CLMP: variants seen among roughly 807,000 people sequenced by gnomAD.
The protein encoded by CLMP is CXADR-like membrane protein.
Under a neutral mutation model 45.2 loss-of-function variants are expected in CLMP, and 27 were observed. The ratio of observed to expected loss-of-function variants is 0.60; its 90% CI spans 0.44 to 0.82. The LOEUF (loss-of-function observed/expected upper bound fraction) is 0.82. Ranked by LOEUF, CLMP falls within the 40% of genes least tolerant of loss-of-function variation. The pLI is 0.00. For missense variants in CLMP, 403 were observed against 448.4 expected (o/e 0.90, Z 0.91); for synonymous variants, 167 against 171.4 (o/e 0.97, Z 0.20).
At chr11:123,095,684 T>A (rs916627434) in intron 2 of CLMP, among the ~76,000 whole-genome samples, 1 of 151,418 alleles carries the variant, frequency 6.6e-6, no homozygotes, top group Non-Finnish European at 1.5e-5. Flanking sequence ...ACAAGGGGAG[T>A]TTACAACCAA....
chr11:123,082,973 A>G (rs1368694298), intron 5 of CLMP, 112 bp downstream of exon 5: 4 of 1,284,810 alleles, frequency 3.1e-6, no homozygotes, highest in African/African-American at 1.5e-5. Context: ...CCTTCTGGAG[A>G]TAAAGATTTT....
chr11:123,136,407 T>C lies in CLMP; in HGVS notation c.29-38455A>G, dbSNP rs1441813277. 1.1e-5 allele frequency: 5 copies of C among 473,470 alleles called. No individual in the cohort carries two copies. In the Admixed American group the frequency reaches 1.4e-4, roughly 14 times the overall value. 29.3% of individuals were successfully genotyped at this position (473,470 alleles called of 1,614,324 possible). Reference sequence around the variant, plus strand: ...CCATGATACCGCCGGTGGCCAGTTCTAGGGTGGTCCCCCCCACCCCGCCCT... The same window carrying C: ...CCATGATACCGCCGGTGGCCAGTTCCAGGGTGGTCCCCCCCACCCCGCCCT... On this transcript the variant is annotated intron_variant, in intron 1 of 6. Transcript: ENST00000448775.
rs1192672857 is a variant in CLMP at position 123,074,740 on chromosome 11, T to A, written c.783A>T (p.Lys261Asn). 1.2e-6 allele frequency: 2 copies of A among 1,614,198 alleles called. No homozygotes were observed. The part of the protein sequence containing the change: ...LVWLLIRRKD[K>N]ERYEEEERPN... ...GTCTCTCTTCTTCCTCATATCTTTC[T>A]TTGTCTTTCCTTCGGATTAGCAGCC... Residue 261 changes from lysine (K) to asparagine (N), a missense_variant, in exon 6 of 7, where the codon AAA becomes AAT. Lys to Asn is a moderately conservative substitution (Grantham distance 94, BLOSUM62 0). Coordinates refer to ENST00000448775, the MANE Select transcript of CLMP (RefSeq NM_024769.5).
intron 1 of CLMP, among the ~76,000 whole-genome samples, chr11:123,150,550 A>T (rs1861318895): frequency 7.0e-6 from 1 of 143,158 alleles, no homozygotes; most frequent in African/African-American, 2.7e-5. Flanking sequence ...CAAGGAAGGA[A>T]GGAAGGAAGG....
At chr11:123,125,555 CCCT>C (rs1431612561) in intron 1 of CLMP, among the ~76,000 whole-genome samples, 2 of 102,752 alleles carry the variant, frequency 1.9e-5, no homozygotes, top group African/African-American at 7.0e-5. Flanking sequence ...CCCCTCCCCT[CCCT>C]CCCTTCCTCC....
At chr11:123,089,826 G>A (rs930045658) in intron 2 of CLMP, among the ~76,000 whole-genome samples, 23 of 150,980 alleles carry the variant, frequency 1.5e-4, no homozygotes, top group Non-Finnish European at 2.1e-4. Context: ...AAGGCTGGGC[G>A]CGGTGGCTCA....
intron 1 of CLMP, among the ~76,000 whole-genome samples, chr11:123,129,968 T>C (rs1304024747): frequency 6.6e-6 from 1 of 151,146 alleles, no homozygotes; most frequent in Non-Finnish European, 1.5e-5. Flanking sequence ...GAAATAAATA[T>C]AAGTTACAGA....
chr11:123,110,932 G>A (rs1261395545), intron 1 of CLMP, among the ~76,000 whole-genome samples: 8 of 151,626 alleles, frequency 5.3e-5, no homozygotes, highest in Non-Finnish European at 1.0e-4. Context: ...TAGCTGTAAA[G>A]GGGTCCTTAT....
intron 2 of CLMP, among the ~76,000 whole-genome samples, chr11:123,085,665 C>A (rs981988800): frequency 2.0e-5 from 3 of 147,572 alleles, no homozygotes; most frequent in Non-Finnish European, 4.5e-5. Flanking sequence ...TGCTTGTGGA[C>A]AAAGGACAGA....
intron 1 of CLMP, among the ~76,000 whole-genome samples, chr11:123,142,621 CTTTT>C (rs71057336): frequency 1.6e-5 from 2 of 123,252 alleles, no homozygotes; most frequent in Admixed American, 8.6e-5. Flanking sequence ...GATGAGGTTT[CTTTT>C]TTTTTTTTTT....
chr11:123,118,775 C>G (rs1293481996), intron 1 of CLMP, among the ~76,000 whole-genome samples: 1 of 152,000 alleles, frequency 6.6e-6, no homozygotes, highest in African/African-American at 2.4e-5. Flanking sequence ...TACTTTCTTC[C>G]TGTCCTTCCC....
intron 1 of CLMP, among the ~76,000 whole-genome samples, chr11:123,145,461 T>TG (rs879413375): frequency 0.22 from 19,692 of 88,600 alleles, 1,693 homozygotes; most frequent in South Asian, 0.35. Context: ...TGTTTTTTTT[T>TG]TTTTTTTTTT....
Position 123,072,089 on chromosome 11 carries a change from G to C in CLMP, c.*1385C>G, listed in dbSNP as rs1253264244. On this transcript the variant is annotated 3_prime_UTR_variant, in exon 7 of 7. Coordinates refer to ENST00000448775, the MANE Select transcript of CLMP (RefSeq NM_024769.5). The stretch of plus-strand genomic sequence containing the variant: ...GCCCAGAGCTAGACTTCTGGATGCT[G>C]AGCCTGGGAAAATACTGAATTTCTC... 2 of 152,190 alleles carry C rather than the reference G, an allele frequency of 1.3e-5. No homozygotes were observed. Among genetic ancestry groups the C allele is most frequent in the Non-Finnish European group, 2.9e-5 (2 of 68,034 alleles). 9.4% of individuals were successfully genotyped at this position (152,190 alleles called of 1,614,324 possible).
At chr11:123,150,482 AGGAAG>A (rs1861308646) in intron 1 of CLMP, among the ~76,000 whole-genome samples, 1 of 99,068 alleles carries the variant, frequency 1.0e-5, no homozygotes, top group African/African-American at 4.2e-5. Flanking sequence ...AAAGAAAGAA[AGGAAG>A]GAAGGAAGGA....
chr11:123,106,342 G>C (rs1323719026), intron 1 of CLMP, among the ~76,000 whole-genome samples: 1 of 151,514 alleles, frequency 6.6e-6, no homozygotes, highest in Non-Finnish European at 1.5e-5. Flanking sequence ...CAGACGGGAA[G>C]TTTTCCCTTC....
chr11:123,073,773 C>G lies in CLMP; in HGVS notation c.823G>C (p.Glu275Gln), dbSNP rs1158837845. 6.4e-7 allele frequency: 1 copy of G among 1,568,816 alleles called. No individual in the cohort carries two copies. The change falls in exon 7 of 7, where the codon GAA becomes CAA. Residue 275 changes from glutamate to glutamine, a missense_variant and splice_region_variant. Physicochemically the swap from Glu to Gln is conservative, Grantham distance 29. Transcript: ENST00000448775. ...CGGGCTTTTGGAGCTTCAGCATCTT[C>G]TCTGAAGAGAAAAAACAGCAAAGAT... Reference protein sequence around the residue: ...EEEERPNEIREDAEAPKARLV... With the variant: ...EEEERPNEIRQDAEAPKARLV...
At chr11:123,142,586 C>T (rs571092143) in intron 1 of CLMP, among the ~76,000 whole-genome samples, 1 of 150,694 alleles carries the variant, frequency 6.6e-6, no homozygotes, top group East Asian at 2.0e-4. Flanking sequence ...CTCCTAGGAA[C>T]AGTTGTGGAT....
rs1307137513 is a variant in CLMP, at chr11:123,072,770, C to A, written c.*704G>T. The A allele has an allele frequency of 6.6e-6, 1 of 152,206 alleles. No homozygotes were observed. Among genetic ancestry groups the A allele is most frequent in the African/African-American group, 2.4e-5 (1 of 41,460 alleles). 9.4% of individuals were successfully genotyped at this position (152,206 alleles called of 1,614,324 possible). A position where few individuals can be genotyped will look rare whatever the true frequency, so the allele number is the denominator to read the frequency against. On this transcript the variant is annotated 3_prime_UTR_variant, in exon 7 of 7. Coordinates refer to ENST00000448775, the MANE Select transcript of CLMP (RefSeq NM_024769.5). ...ATGAAGATGGAAAGCTCTTCACAAT[C>A]CTTTGTCACAAATTTTTGTCTCCTT...
intron 1 of CLMP, among the ~76,000 whole-genome samples, chr11:123,165,946 G>A (rs1861550161): frequency 6.6e-6 from 1 of 152,146 alleles, no homozygotes; most frequent in Admixed American, 6.5e-5. Context: ...ATTTTCCCAA[G>A]TTCTATTAAG....
Sources: allele counts gnomAD v4.1 joint callset (sites outside exome capture counted in the v4.1 genomes callset), GRCh38; gene constraint gnomAD v4.1.1; transcripts MANE v1.5; gene names NCBI Gene and HGNC (gene_info 2026-07-23, HGNC 2026-07-21).